The following HS3ST4 variants were observed in gnomAD, a reference collection of about 807,000 sequenced individuals.
HS3ST4 encodes the protein heparan sulfate glucosamine 3-O-sulfotransferase 4.
HS3ST4 carries 17 observed loss-of-function variants against 29.2 expected under a neutral mutation model. The ratio of observed to expected loss-of-function variants is 0.58; its 90% confidence interval spans 0.40 to 0.87. HS3ST4 has a LOEUF of 0.87. HS3ST4 is among the 40% of genes least tolerant of loss of function. The pLI, the probability that HS3ST4 is intolerant of heterozygous loss-of-function variation, is 0.00. For missense variants in HS3ST4, 627 were observed against 634.5 expected (o/e 0.99, Z 0.13); for synonymous variants, 314 against 285.7 (o/e 1.10, Z -1.00).
chr16:25,782,143 ATAATT>A (rs753880547), intron 1 of HS3ST4, among the ~76,000 whole-genome samples: 2 of 152,198 alleles, frequency 1.3e-5, no homozygotes, highest in Non-Finnish European at 2.9e-5. Flanking sequence ...AGGAAAAACT[ATAATT>A]TACAAAATCA....
intron 1 of HS3ST4, among the ~76,000 whole-genome samples, chr16:25,749,322 T>C (rs1354995632): frequency 6.6e-6 from 1 of 151,968 alleles, no homozygotes; most frequent in Non-Finnish European, 1.5e-5. Flanking sequence ...GAGGAAACCC[T>C]GTCTCTACTA....
At chr16:25,944,367 G>C (rs1216195550) in intron 1 of HS3ST4, among the ~76,000 whole-genome samples, 1 of 152,212 alleles carries the variant, frequency 6.6e-6, no homozygotes, top group Non-Finnish European at 1.5e-5. Flanking sequence ...TTAATGAAAG[G>C]GGTAAAGTTC....
chr16:25,821,268 A>G (rs1053663435), intron 1 of HS3ST4, among the ~76,000 whole-genome samples: 10 of 152,002 alleles, frequency 6.6e-5, no homozygotes, highest in Admixed American at 5.9e-4. Flanking sequence ...TGTGTTAGTC[A>G]GGATGGTCTC....
At position 25,692,356 on chromosome 16, in the gene HS3ST4, C is replaced by A; in HGVS notation, c.-62C>A. 4.9e-6 allele frequency: 1 copy of A among 202,786 alleles called. No homozygotes were observed. Among genetic ancestry groups the A allele is most frequent in the Non-Finnish European group, 8.3e-6 (1 of 120,424 alleles). The allele number at this position is 202,786 out of a possible 1,614,324, so 12.6% of individuals were successfully genotyped here. Reference sequence around the variant, plus strand: ...CGGCGGCGGGGGCGGCGGCTGAAACCATGTCCGGGCAGCGCCGGGGGCTGC... The same window carrying A: ...CGGCGGCGGGGGCGGCGGCTGAAACAATGTCCGGGCAGCGCCGGGGGCTGC... On this transcript the variant is annotated 5_prime_UTR_variant, in exon 1 of 2. Transcript: ENST00000331351.
intron 1 of HS3ST4, among the ~76,000 whole-genome samples, chr16:25,793,426 T>C (rs1056388630): frequency 3.9e-5 from 6 of 151,970 alleles, no homozygotes; most frequent in Non-Finnish European, 5.9e-5. Context: ...AGTTCTTTTT[T>C]AGTTGTGTCA....
intron 1 of HS3ST4, among the ~76,000 whole-genome samples, chr16:26,078,896 G>A (rs1383549892): frequency 1.3e-5 from 2 of 152,190 alleles, no homozygotes; most frequent in East Asian, 3.9e-4. Flanking sequence ...AAGCAATTAT[G>A]CCAGAATGTG....
At chr16:26,004,328 AG>A (rs1419370702) in intron 1 of HS3ST4, among the ~76,000 whole-genome samples, 1 of 152,200 alleles carries the variant, frequency 6.6e-6, no homozygotes, top group African/African-American at 2.4e-5. Context: ...ATAACACACC[AG>A]AACCGTGTTT....
intron 1 of HS3ST4, among the ~76,000 whole-genome samples, chr16:25,750,332 C>G (rs1355227649): frequency 2.0e-5 from 3 of 152,168 alleles, no homozygotes; most frequent in Non-Finnish European, 4.4e-5. Context: ...TCTTTATAAC[C>G]TAACCTTGGA....
intron 1 of HS3ST4, among the ~76,000 whole-genome samples, chr16:25,750,233 G>A (rs961785274): frequency 4.6e-5 from 7 of 152,188 alleles, no homozygotes; most frequent in East Asian, 1.9e-4. Context: ...CTTCCTCACA[G>A]CATGGAGACC....
At chr16:25,696,460 A>G (rs1966297833) in intron 1 of HS3ST4, among the ~76,000 whole-genome samples, 1 of 151,880 alleles carries the variant, frequency 6.6e-6, no homozygotes, top group Non-Finnish European at 1.5e-5. Flanking sequence ...GAAACCATTC[A>G]GCCCCAGGGC....
chr16:25,789,359 TTCCC>T (rs944689554), intron 1 of HS3ST4, among the ~76,000 whole-genome samples: 17 of 150,850 alleles, frequency 1.1e-4, no homozygotes, highest in Middle Eastern at 3.4e-3. Flanking sequence ...CTTCTTTCCT[TTCCC>T]TCTCTCTCTT....
rs1229228358 is a variant in HS3ST4, at chr16:26,135,733, G to A, written c.856G>A (p.Val286Met). The A allele has an allele frequency of 6.2e-7, 1 of 1,614,006 alleles. No individual in the cohort carries two copies. The highest frequency in any genetic ancestry group is 1.3e-5 in the African/African-American group (1 of 74,910). The change falls in exon 2 of 2, where the codon GTG becomes ATG. Residue 286 changes from valine (V) to methionine (M), a missense_variant. Physicochemically the swap from Val to Met is conservative, Grantham distance 21 (BLOSUM62 1). Transcript: ENST00000331351. ...GGCCAAGGACATCAAACTGATTGTG[G>A]TGGTGAGAAACCCCGTGACCAGGGC... ...SMAKDIKLIV[V>M]VRNPVTRAIS...
chr16:25,786,760 C>T (rs1447834883), intron 1 of HS3ST4, among the ~76,000 whole-genome samples: 3 of 152,150 alleles, frequency 2.0e-5, no homozygotes, highest in Non-Finnish European at 4.4e-5. Flanking sequence ...TTAATTTTTC[C>T]CTTTCTTTAA....
chr16:25,906,677 A>G (rs1477661441), intron 1 of HS3ST4, among the ~76,000 whole-genome samples: 2 of 152,234 alleles, frequency 1.3e-5, no homozygotes, highest in Non-Finnish European at 2.9e-5. Flanking sequence ...GGAAAATAGG[A>G]CAGACAGAAC....
At chr16:25,899,878 A>G (rs1159191198) in intron 1 of HS3ST4, among the ~76,000 whole-genome samples, 1 of 152,150 alleles carries the variant, frequency 6.6e-6, no homozygotes, top group Non-Finnish European at 1.5e-5. Flanking sequence ...TCACACAGTA[A>G]CAAACATAAG....
chr16:26,120,767 T>A (rs1216232117), intron 1 of HS3ST4, among the ~76,000 whole-genome samples: 3 of 152,240 alleles, frequency 2.0e-5, no homozygotes, highest in Admixed American at 6.5e-5. Flanking sequence ...TCTGTCTTGC[T>A]GACCAGGTTT....
At chr16:26,129,824 C>T (rs1899393999) in intron 1 of HS3ST4, among the ~76,000 whole-genome samples, 1 of 152,206 alleles carries the variant, frequency 6.6e-6, no homozygotes, top group South Asian at 2.1e-4. Context: ...AGAATTTGCA[C>T]TCTCAGCCTC....
At chr16:26,117,571 G>A (rs1361040644) in intron 1 of HS3ST4, among the ~76,000 whole-genome samples, 1 of 152,140 alleles carries the variant, frequency 6.6e-6, no homozygotes, top group Non-Finnish European at 1.5e-5. Flanking sequence ...TAAATGCTGT[G>A]TCTGCTGCTC....
chr16:26,117,796 C>G (rs1470192109), intron 1 of HS3ST4, among the ~76,000 whole-genome samples: 2 of 152,162 alleles, frequency 1.3e-5, no homozygotes, highest in Non-Finnish European at 2.9e-5. Context: ...ATTTATTAAT[C>G]ATTTATTTGT....
Sources: gnomAD v4.1 joint callset for allele counts (sites outside exome capture counted in the v4.1 genomes callset) on GRCh38, gnomAD v4.1.1 for gene constraint, MANE v1.5 for transcripts, NCBI Gene and HGNC (gene_info 2026-07-23, HGNC 2026-07-21) for gene names.